BRWD1: variants seen among roughly 807,000 people sequenced by gnomAD.
BRWD1 encodes bromodomain and WD repeat domain containing 1.
Under a neutral mutation model 251.2 loss-of-function variants are expected in BRWD1, and 82 were observed. That is an observed-to-expected ratio of 0.33 (90% CI 0.27 to 0.39). BRWD1 has a LOEUF of 0.39. BRWD1 is among the 10% of genes least tolerant of loss of function. The pLI, the probability that BRWD1 is intolerant of heterozygous loss-of-function variation, is 1.00. For synonymous variants in BRWD1, 918 were observed against 902.8 expected (o/e 1.02, Z -0.30); for missense variants, 2,233 against 2,711.6 (o/e 0.82, Z 3.92).
At chr21:39,198,442 CCT>C (rs2031932271) in intron 40 of BRWD1, among the ~76,000 whole-genome samples, 1 of 152,214 alleles carries the variant, frequency 6.6e-6, no homozygotes, top group African/African-American at 2.4e-5. Context: ...TAAATGTGCC[CCT>C]CTCTGCTTTA....
chr21:39,269,788 T>C, intron 15 of BRWD1, 111 bp downstream of exon 15: 1 of 950,290 alleles, frequency 1.1e-6, no homozygotes, highest in Admixed American at 3.4e-5. Context: ...TATGCTGATT[T>C]GTAAAAACAA....
At chr21:39,261,644 G>A (rs954507979) in intron 17 of BRWD1, among the ~76,000 whole-genome samples, 6 of 151,846 alleles carry the variant, frequency 4.0e-5, no homozygotes, top group African/African-American at 1.5e-4. Context: ...TACACCTATG[G>A]GTCTGCAAAC....
chr21:39,247,427 T>C (rs187197840), intron 21 of BRWD1, among the ~76,000 whole-genome samples: 26 of 152,322 alleles, frequency 1.7e-4, no homozygotes, highest in Admixed American at 5.2e-4. Flanking sequence ...CACTAGAACA[T>C]CATGTTTATA....
rs549077448 is a variant in BRWD1 at position 39,191,879 on chromosome 21, A to G, written c.*4380T>C. On this transcript the variant is annotated 3_prime_UTR_variant, in exon 41 of 41. Coordinates refer to ENST00000342449, the MANE Select transcript of BRWD1 (RefSeq NM_033656.4). ...TTACCTTAAAACTGACATAACTAAA[A>G]TATGACCAGAAAGTATACCATAGCA... 1.0e-6 allele frequency: 1 copy of G among 984,196 alleles called. No individual in the cohort carries two copies. Among genetic ancestry groups the G allele is most frequent in the Admixed American group, 6.1e-5 (1 of 16,276 alleles). The allele number at this position is 984,196 out of a possible 1,614,324, so 61.0% of individuals were successfully genotyped here.
At chr21:39,299,224 A>C (rs915234122) in intron 4 of BRWD1, among the ~76,000 whole-genome samples, 2 of 141,656 alleles carry the variant, frequency 1.4e-5, no homozygotes, top group African/African-American at 5.3e-5. Context: ...ATATATATAC[A>C]TATTACGCTA....
chr21:39,222,631 A>G (rs1275282223), intron 29 of BRWD1, among the ~76,000 whole-genome samples: 1 of 152,258 alleles, frequency 6.6e-6, no homozygotes, highest in Admixed American at 6.5e-5. Context: ...ATCTGAGTAC[A>G]TACTAATATA....
At chr21:39,278,837 T>A in intron 9 of BRWD1, 24 bp from the exon 10 acceptor site, 1 of 1,524,638 alleles carries the variant, frequency 6.6e-7, no homozygotes. Flanking sequence ...AGATGCTGCT[T>A]TAAAATAGAT....
chr21:39,274,136 T>C (rs999475872), intron 13 of BRWD1, among the ~76,000 whole-genome samples: 8 of 152,186 alleles, frequency 5.3e-5, no homozygotes, highest in East Asian at 3.8e-4. Context: ...CTTTGAACCA[T>C]AGAAAAAGTA....
At chr21:39,262,888 T>C (rs2034800890) in intron 17 of BRWD1, among the ~76,000 whole-genome samples, 1 of 151,994 alleles carries the variant, frequency 6.6e-6, no homozygotes, top group South Asian at 2.1e-4. Context: ...GGTAGTTACT[T>C]ATTATTTAAC....
At chr21:39,270,145 T>A (rs2035053216) in intron 14 of BRWD1, 112 bp from the exon 15 acceptor site, 2 of 1,206,136 alleles carry the variant, frequency 1.7e-6, no homozygotes, top group South Asian at 4.4e-5. Flanking sequence ...GACAATAATT[T>A]ATAATTATAA....
rs532184655 is a variant in BRWD1 at position 39,303,626 on chromosome 21, T to A, written c.199-5044A>T. ...CGGCAGATCATTTGAGCTCAGGAGT[T>A]CCAGACCAGCCTGGGCAACATGGCA... is the stretch of plus-strand genomic sequence containing the variant. On this transcript the variant is annotated intron_variant, in intron 4 of 40. Transcript: ENST00000342449. 4.7e-3 allele frequency among the ~76,000 whole-genome samples: 707 copies of A among 151,670 alleles called. 7 individuals are homozygous for A. Among genetic ancestry groups the A allele is most frequent in the African/African-American group, 0.016 (674 of 41,330 alleles).
intron 29 of BRWD1, among the ~76,000 whole-genome samples, chr21:39,222,289 AAC>A (rs1466228415): frequency 6.6e-6 from 1 of 152,244 alleles, no homozygotes; most frequent in African/African-American, 2.4e-5. Flanking sequence ...AATGCCCATC[AAC>A]TGATGAATGG....
At chr21:39,226,427 A>G (rs1283690427) in intron 27 of BRWD1, among the ~76,000 whole-genome samples, 1 of 152,244 alleles carries the variant, frequency 6.6e-6, no homozygotes, top group Non-Finnish European at 1.5e-5. Flanking sequence ...CCACAAAAAT[A>G]AAACAAAAAC....
chr21:39,280,643 G>T (rs368292933), intron 8 of BRWD1, among the ~76,000 whole-genome samples: 6 of 152,200 alleles, frequency 3.9e-5, no homozygotes, highest in South Asian at 2.1e-4. Flanking sequence ...TGAAAAACTG[G>T]AAGGAAAAAT....
At position 39,197,382 on chromosome 21, in the gene BRWD1, T is replaced by C; in HGVS notation, c.5687A>G (p.Lys1896Arg). ...GGAACAGACCCTTTTCCTGGAAATTTTTCTGCTTAGTCCATTGTCTTGTGA... is the reference window on the plus strand; with the variant it reads ...GGAACAGACCCTTTTCCTGGAAATTCTTCTGCTTAGTCCATTGTCTTGTGA... ...SASQDNGLSR[K>R]ISRKRVCSSD... Residue 1896 changes from lysine to arginine, a missense_variant, in exon 41 of 41, where the codon AAA becomes AGA. Transcript: ENST00000342449. The C allele has an allele frequency of 6.2e-7, 1 of 1,604,306 alleles. No homozygotes were observed. The highest frequency in any genetic ancestry group is 8.5e-7 in the Non-Finnish European group (1 of 1,176,836).
At chr21:39,210,755 AG>A (rs774335477) in intron 35 of BRWD1, 30 bp downstream of exon 35, 21 of 1,565,886 alleles carry the variant, frequency 1.3e-5, no homozygotes, top group Admixed American at 4.2e-5. Context: ...AAACAAGAAA[AG>A]CCCCAAACAT....
Position 39,228,552 on chromosome 21 carries a change from A to G in BRWD1, c.3156T>C (p.Phe1052=), listed in dbSNP as rs373798322. ...CATCATAAAATTGACGCAATACAAG[A>G]AAGTCAATAACATCTGGCATATCAT... ...RYHDMPDVID[F]LVLRQFYDEA... The change falls in exon 27 of 41, where the codon TTT becomes TTC. Residue 1052 remains phenylalanine (F), a synonymous_variant. Transcript: ENST00000342449. The G allele has an allele frequency of 2.5e-6, 4 of 1,612,908 alleles. No homozygotes were observed. The African/African-American group carries it at 5.3e-5, about 22-fold the overall frequency.
At chr21:39,210,186 T>C in intron 35 of BRWD1, 39 bp from the exon 36 acceptor site, 1 of 1,516,336 alleles carries the variant, frequency 6.6e-7, no homozygotes, top group Non-Finnish European at 9.0e-7. Flanking sequence ...TAGATTCATT[T>C]CTTGCTTTTA....
At chr21:39,260,235 A>G (rs562031513) in intron 17 of BRWD1, among the ~76,000 whole-genome samples, 11 of 151,494 alleles carry the variant, frequency 7.3e-5, no homozygotes, top group African/African-American at 2.4e-4. Context: ...ATGATACCAA[A>G]GGGAAAACGG....
Sources: gnomAD v4.1 joint callset for allele counts (sites outside exome capture counted in the v4.1 genomes callset) on GRCh38, gnomAD v4.1.1 for gene constraint, MANE v1.5 for transcripts, NCBI Gene and HGNC (gene_info 2026-07-23, HGNC 2026-07-21) for gene names.